Variants in GRM4 observed in about 807,000 individuals in gnomAD.
GRM4 encodes metabotropic glutamate receptor 4.
A neutral mutation model predicts 81.7 loss-of-function variants in GRM4; 28 were observed. That is an observed-to-expected ratio of 0.34 (90% CI 0.25 to 0.47). The LOEUF is 0.47. GRM4 is among the 20% of genes least tolerant of loss of function. The pLI, the probability that GRM4 is intolerant of heterozygous loss-of-function variation, is 1.00. For missense variants in GRM4, 948 were observed against 1,290.0 expected, an observed-to-expected ratio of 0.73 and a Z score of 4.06; for synonymous variants, 488 against 528.8, an observed-to-expected ratio of 0.92 and a Z score of 1.06.
At chr6:34,097,372 C>T (rs1724761154) in intron 2 of GRM4, among the ~76,000 whole-genome samples, 1 of 150,840 alleles carries the variant, frequency 6.6e-6, no homozygotes, top group Non-Finnish European at 1.5e-5. Flanking sequence ...GTATGCATGC[C>T]TGTGTGTGTG....
chr6:34,041,080 G>A (rs1196627263), intron 6 of GRM4, among the ~76,000 whole-genome samples: 1 of 152,192 alleles, frequency 6.6e-6, no homozygotes, highest in Non-Finnish European at 1.5e-5. Context: ...TCTCCCTGTG[G>A]CTGTGGCCCT....
intron 2 of GRM4, among the ~76,000 whole-genome samples, chr6:34,109,630 T>C (rs1769284157): frequency 6.6e-6 from 1 of 152,036 alleles, no homozygotes. Flanking sequence ...AACCCACCCA[T>C]GTCACCTGGA....
At chr6:34,150,182 C>T (rs1214249799), upstream of GRM4, among the ~76,000 whole-genome samples, 1 of 152,214 alleles carries the variant, frequency 6.6e-6, no homozygotes, top group Non-Finnish European at 1.5e-5. Flanking sequence ...ACCCCACCTG[C>T]CCTGGCAGGC....
chr6:34,102,037 A>G (rs1276305773), intron 2 of GRM4: 3 of 1,535,400 alleles, frequency 2.0e-6, no homozygotes, highest in Non-Finnish European at 2.6e-6. Context: ...CTCCACCCCC[A>G]AAGCATGGCC....
chr6:34,124,832 C>T (rs1407902517), intron 2 of GRM4, among the ~76,000 whole-genome samples: 1 of 152,086 alleles, frequency 6.6e-6, no homozygotes, highest in Non-Finnish European at 1.5e-5. Context: ...CACTCATGAA[C>T]TTGAGGACCC....
chr6:34,154,309 C>G (rs992722735), intron 1 of GRM4, among the ~76,000 whole-genome samples: 6 of 152,212 alleles, frequency 3.9e-5, no homozygotes, highest in African/African-American at 1.4e-4. Flanking sequence ...CAGCCCAGCC[C>G]CTGGGCCCTC....
intron 3 of GRM4, among the ~76,000 whole-genome samples, chr6:34,081,674 TC>T (rs377223493): frequency 3.7e-4 from 57 of 152,098 alleles, no homozygotes; most frequent in African/African-American, 8.2e-4. Context: ...CTGCTGGACA[TC>T]CCCGCCCCAG....
chr6:34,109,462 G>GT (rs1359521560), intron 2 of GRM4, among the ~76,000 whole-genome samples: 27 of 152,196 alleles, frequency 1.8e-4, no homozygotes, highest in African/African-American at 6.3e-4. Flanking sequence ...CTGCAGAGGG[G>GT]CCACCCACCC....
intron 2 of GRM4, among the ~76,000 whole-genome samples, chr6:34,117,756 C>T (rs532867112): frequency 1.4e-3 from 206 of 152,274 alleles, no homozygotes; most frequent in African/African-American, 4.1e-3. Flanking sequence ...CCATGATAAC[C>T]GCTCCAATTA....
intron 1 of GRM4, among the ~76,000 whole-genome samples, chr6:34,137,196 T>C (rs1244931866): frequency 1.3e-5 from 2 of 152,164 alleles, no homozygotes; most frequent in Non-Finnish European, 2.9e-5. Context: ...ACGGGCCTCT[T>C]CCCCCTTTCC....
intron 9 of GRM4, among the ~76,000 whole-genome samples, chr6:34,029,399 C>G: frequency 6.6e-6 from 1 of 152,198 alleles, no homozygotes; most frequent in Non-Finnish European, 1.5e-5. Context: ...CAGGTCTGGA[C>G]TTGTTTCCTG....
chr6:34,087,830 A>ACACACG (rs1175257421), intron 3 of GRM4, among the ~76,000 whole-genome samples: 3 of 150,652 alleles, frequency 2.0e-5, no homozygotes, highest in Non-Finnish European at 4.4e-5. Context: ...ACACACACAC[A>ACACACG]CACACACACA....
At chr6:34,079,077 C>T (rs979479850) in intron 3 of GRM4, among the ~76,000 whole-genome samples, 1 of 152,162 alleles carries the variant, frequency 6.6e-6, no homozygotes, top group Non-Finnish European at 1.5e-5. Context: ...CCAGCAAAGT[C>T]GGAATACAGT....
chr6:34,050,742 G>C (rs1049752345), intron 6 of GRM4, among the ~76,000 whole-genome samples: 1 of 152,136 alleles, frequency 6.6e-6, no homozygotes, highest in Non-Finnish European at 1.5e-5. Context: ...AGGCCTCCAG[G>C]CTCTGCCTTC....
chr6:34,087,321 A>C lies in GRM4; in HGVS notation c.736+4562T>G, dbSNP rs559388426. 4.0e-5 allele frequency among the ~76,000 whole-genome samples: 6 copies of C among 151,310 alleles called. No individual in the cohort carries two copies. The South Asian group carries it at 1.1e-3, about 27-fold the overall frequency. ...GTAGTCCCAGCTACTTGGGAGGCTG[A>C]GGCAGGAGAATCGTTTGAATCCGGG... is the stretch of plus-strand genomic sequence containing the variant. On this transcript the variant is annotated intron_variant, in intron 3 of 10. Transcript: ENST00000538487.
rs1410309374 is a variant in GRM4, at chr6:34,080,459, C to A, written c.736+11424G>T. 6.6e-6 allele frequency among the ~76,000 whole-genome samples: 1 copy of A among 152,238 alleles called. No individual in the cohort carries two copies. The highest frequency in any genetic ancestry group is 1.5e-5 in the Non-Finnish European group (1 of 68,044). Reference sequence around the variant, plus strand: ...TTCATCTGCTTAGTCCACGGCCGTACCCCAGTGTCCTGGTCCAATGCCTGG... The same window carrying A: ...TTCATCTGCTTAGTCCACGGCCGTAACCCAGTGTCCTGGTCCAATGCCTGG... On this transcript the variant is annotated intron_variant, in intron 3 of 10. Coordinates refer to ENST00000538487, the MANE Select transcript of GRM4 (RefSeq NM_000841.4). This position sits in a 1 kb window ranked among gnomAD's most constrained non-coding sequence, Gnocchi z 5.4.
chr6:34,146,411 G>T (rs1166735343), upstream of GRM4, among the ~76,000 whole-genome samples: 2 of 152,180 alleles, frequency 1.3e-5, no homozygotes. Context: ...CCTCCTGGTC[G>T]GCAGGCTGCA....
At chr6:34,065,946 G>A (rs1229611084) in intron 3 of GRM4, among the ~76,000 whole-genome samples, 1 of 151,770 alleles carries the variant, frequency 6.6e-6, no homozygotes, top group Non-Finnish European at 1.5e-5. Context: ...AGCAGGAACC[G>A]CTATCTCTCC....
chr6:34,098,013 C>A (rs1400431369), intron 2 of GRM4, among the ~76,000 whole-genome samples: 2 of 152,230 alleles, frequency 1.3e-5, no homozygotes, highest in African/African-American at 4.8e-5. Flanking sequence ...CCCATCGGAG[C>A]CGCCCTGCCC....
Sources: allele counts gnomAD v4.1 joint callset (sites outside exome capture counted in the v4.1 genomes callset), GRCh38; gene constraint gnomAD v4.1.1; non-coding constraint Gnocchi (gnomAD v3.1); transcripts MANE v1.5; gene names NCBI Gene and HGNC (gene_info 2026-07-23, HGNC 2026-07-21).